Variants in LIMA1 observed in about 807,000 individuals in gnomAD.
LIMA1 encodes LIM domain and actin binding 1, also known as LIM domain and actin-binding protein 1.
LIMA1 carries 52 observed loss-of-function variants against 62.6 expected under a neutral mutation model. The observed-to-expected ratio is 0.83, with a 90% CI of 0.67 to 1.05. LIMA1 has a LOEUF of 1.05. Among genes scored for constraint, LIMA1 ranks in the 50% least tolerant of loss-of-function variants. The probability of loss-of-function intolerance (pLI) is 0.00; values close to 1 mark genes in which losing one functional copy is unlikely to be tolerated. For missense variants in LIMA1, 780 were observed against 902.2 expected (o/e 0.86, Z 1.74); for synonymous variants, 302 against 317.8 (o/e 0.95, Z 0.53).
chr12:50,260,948 AGG>A (rs1942059225), intron 1 of LIMA1, among the ~76,000 whole-genome samples: 1 of 143,302 alleles, frequency 7.0e-6, no homozygotes, highest in Non-Finnish European at 1.5e-5. Context: ...AAAAAAAAAA[AGG>A]AAGTCATTTA....
At chr12:50,256,658 C>T (rs1001632637) in intron 1 of LIMA1, among the ~76,000 whole-genome samples, 2 of 152,062 alleles carry the variant, frequency 1.3e-5, no homozygotes, top group African/African-American at 2.4e-5. Flanking sequence ...AAGTATTGGT[C>T]AGATATTATG....
chr12:50,200,881 C>T lies in LIMA1; in HGVS notation c.868G>A (p.Glu290Lys), dbSNP rs761413465. The T allele has an allele frequency of 6.2e-7, 1 of 1,612,910 alleles. No individual in the cohort carries two copies. Among genetic ancestry groups the T allele is most frequent in the Non-Finnish European group, 8.5e-7 (1 of 1,179,700 alleles). ...KQSSSTNYTN[E>K]LKASGGEIKI... ...ATTTCGCCACCACTGGCTTTCAGCT[C>T]ATTCTACAAAATAAAAATAACTGTA... is the stretch of plus-strand genomic sequence containing the variant. Residue 290 changes from glutamate to lysine, a missense_variant, in exon 7 of 11, where the codon GAG (glutamate) becomes AAG (lysine). By Grantham distance (56) the Glu-to-Lys change is moderately conservative. Transcript: ENST00000341247.
intron 1 of LIMA1, among the ~76,000 whole-genome samples, chr12:50,270,313 G>A (rs1283144779): frequency 2.1e-5 from 3 of 144,966 alleles, no homozygotes; most frequent in African/African-American, 7.7e-5. Flanking sequence ...AGAACTCTAA[G>A]TTGGGCCAGG....
At chr12:50,282,297 A>G (rs1401398666) in intron 1 of LIMA1, among the ~76,000 whole-genome samples, 2 of 152,162 alleles carry the variant, frequency 1.3e-5, no homozygotes, top group Admixed American at 6.5e-5. Context: ...AATATTTAGC[A>G]TTTGTGAATA....
intron 9 of LIMA1, among the ~76,000 whole-genome samples, chr12:50,185,123 C>T (rs1010699984): frequency 5.3e-5 from 8 of 152,154 alleles, no homozygotes; most frequent in African/African-American, 1.9e-4. Flanking sequence ...AGCCACTGCG[C>T]CTGGCCCGGA....
intron 1 of LIMA1, among the ~76,000 whole-genome samples, chr12:50,271,682 C>A (rs1331388828): frequency 6.6e-6 from 1 of 152,200 alleles, no homozygotes; most frequent in East Asian, 1.9e-4. Flanking sequence ...ACCATCACGA[C>A]AAAGCACAGA....
At chr12:50,239,713 T>C (rs2138613314) in intron 2 of LIMA1, among the ~76,000 whole-genome samples, 1 of 152,006 alleles carries the variant, frequency 6.6e-6, no homozygotes, top group African/African-American at 2.4e-5. Flanking sequence ...TAAAAACAAA[T>C]GGATGAGTAC....
At chr12:50,266,115 C>G (rs886385076) in intron 1 of LIMA1, among the ~76,000 whole-genome samples, 2 of 152,158 alleles carry the variant, frequency 1.3e-5, no homozygotes, top group African/African-American at 4.8e-5. Context: ...TCTGCCCTCC[C>G]CCCAAACCAA....
chr12:50,196,905 C>T (rs1255210865), intron 7 of LIMA1, among the ~76,000 whole-genome samples: 2 of 152,088 alleles, frequency 1.3e-5, no homozygotes, highest in African/African-American at 2.4e-5. Context: ...TTCAACTAAT[C>T]GCCTTACAAA....
At chr12:50,193,495 T>G (rs1173447997) in intron 8 of LIMA1, among the ~76,000 whole-genome samples, 1 of 135,434 alleles carries the variant, frequency 7.4e-6, no homozygotes, top group African/African-American at 2.7e-5. Context: ...AGTATATATA[T>G]ATCATATATG....
intron 3 of LIMA1, among the ~76,000 whole-genome samples, chr12:50,229,395 A>T (rs897528607): frequency 1.3e-5 from 2 of 152,152 alleles, no homozygotes; most frequent in African/African-American, 4.8e-5. Flanking sequence ...CTTTGCAGGG[A>T]CATGGATGAA....
At chr12:50,220,114 G>A (rs374071688) in intron 4 of LIMA1, among the ~76,000 whole-genome samples, 1 of 152,026 alleles carries the variant, frequency 6.6e-6, no homozygotes, top group Non-Finnish European at 1.5e-5. Context: ...AGGCTGGAGT[G>A]CAGTGGCATG....
At chr12:50,270,219 G>C (rs1342993305) in intron 1 of LIMA1, among the ~76,000 whole-genome samples, 4 of 91,018 alleles carry the variant, frequency 4.4e-5, no homozygotes, top group Non-Finnish European at 7.9e-5. Context: ...TGGGCAACAA[G>C]AGTGAAACTC....
intron 4 of LIMA1, among the ~76,000 whole-genome samples, chr12:50,212,959 C>T (rs540049927): frequency 1.8e-4 from 28 of 152,194 alleles, no homozygotes; most frequent in Admixed American, 9.8e-4. Context: ...GGATTTCAGG[C>T]GCATGTCACC....
intron 10 of LIMA1, among the ~76,000 whole-genome samples, chr12:50,180,144 T>C (rs772601045): frequency 2.4e-4 from 36 of 151,296 alleles, no homozygotes; most frequent in Non-Finnish European, 5.3e-4. Flanking sequence ...CTATGAAAAA[T>C]ACAAAAATTA....
chr12:50,230,715 TACAGGCG>T (rs1325589942), intron 3 of LIMA1, among the ~76,000 whole-genome samples: 62 of 152,132 alleles, frequency 4.1e-4, no homozygotes, highest in African/African-American at 1.5e-3. Context: ...TAGCTGGGAC[TACAGGCG>T]CCCGCCACCA....
intron 1 of LIMA1, among the ~76,000 whole-genome samples, chr12:50,271,404 C>G (rs1034322215): frequency 8.5e-5 from 13 of 152,112 alleles, no homozygotes; most frequent in Admixed American, 5.2e-4. Context: ...CTCCACCTCT[C>G]TCCCAATTAA....
In LIMA1 at chr12:50,204,746, G is replaced by A. The variant is rs1242214698; in HGVS notation, c.716-46C>T. The A allele has an allele frequency of 5.7e-6, 9 of 1,581,940 alleles. No individual in the cohort carries two copies. The Admixed American group carries it at 1.0e-4, about 18-fold the overall frequency. The stretch of plus-strand genomic sequence containing the variant: ...TGTTTTATTTTATTTCTGAGATGGG[G>A]TCTCACTCTATCACCCAGGCTGAAG... On this transcript the variant is annotated intron_variant, in intron 5 of 10. Transcript: ENST00000341247.
At chr12:50,217,568 A>C (rs1467865418) in intron 4 of LIMA1, 2 of 154,666 alleles carry the variant, frequency 1.3e-5, no homozygotes, top group African/African-American at 4.9e-5. Context: ...GTCCTTAAGA[A>C]CTCTGCTCCT....
Sources: gnomAD v4.1 joint callset for allele counts (sites outside exome capture counted in the v4.1 genomes callset) on GRCh38, gnomAD v4.1.1 for gene constraint, MANE v1.5 for transcripts, NCBI Gene and HGNC (gene_info 2026-07-23, HGNC 2026-07-21) for gene names.